Variants in PRKN observed in about 807,000 individuals in gnomAD.
PRKN encodes the protein E3 ubiquitin-protein ligase parkin.
In PRKN, 56 loss-of-function variants were observed where a neutral mutation model predicts 59.5. The ratio of observed to expected loss-of-function variants is 0.94; its 90% CI spans 0.76 to 1.18. The LOEUF (loss-of-function observed/expected upper bound fraction) is 1.18, where lower values mean the gene tolerates loss of function less well. Ranked by LOEUF, PRKN falls within the 50% of genes most tolerant of loss-of-function variation. The pLI is 0.00. For missense variants in PRKN, 657 were observed against 596.4 expected, an observed-to-expected ratio of 1.10 and a Z score of -1.06; for synonymous variants, 250 against 222.1, an observed-to-expected ratio of 1.13 and a Z score of -1.12.
In PRKN at chr6:161,459,204, A is replaced by G. The variant is rs1412641254; in HGVS notation, c.1084-72327T>C. On this transcript the variant is annotated intron_variant, in intron 9 of 11. Transcript: ENST00000366898. The surrounding 1 kb of genome is among the most constrained non-coding windows in gnomAD (Gnocchi z 4.8). The stretch of plus-strand genomic sequence containing the variant: ...GTAAGACTTGTTCTCCAGGTTAATT[A>G]CAGTGGAAACCTGATCGAACTTGAC... 6.6e-6 allele frequency among the ~76,000 whole-genome samples: 1 copy of G among 152,174 alleles called. No homozygotes were observed. Among genetic ancestry groups the G allele is most frequent in the Non-Finnish European group, 1.5e-5 (1 of 68,026 alleles).
intron 7 of PRKN, among the ~76,000 whole-genome samples, chr6:161,573,783 TATATATATATATAA>T (rs1367756237): frequency 7.4e-5 from 7 of 94,582 alleles, no homozygotes; most frequent in East Asian, 3.1e-4. Context: ...TATATATATA[TATATATATATATAA>T]AACTTCATTC....
chr6:162,399,002 G>A (rs570259754), intron 2 of PRKN, among the ~76,000 whole-genome samples: 5 of 152,174 alleles, frequency 3.3e-5, no homozygotes, highest in Non-Finnish European at 7.4e-5. Flanking sequence ...ATGATTATCA[G>A]GAAGTATTAT....
intron 4 of PRKN, among the ~76,000 whole-genome samples, chr6:162,153,706 G>A (rs1035661450): frequency 2.0e-5 from 3 of 152,076 alleles, no homozygotes; most frequent in Admixed American, 6.6e-5. Flanking sequence ...GGGATGGGAG[G>A]GGAAGGTCAC....
At chr6:161,897,116 G>A (rs571436299) in intron 6 of PRKN, among the ~76,000 whole-genome samples, 1 of 152,288 alleles carries the variant, frequency 6.6e-6, no homozygotes, top group African/African-American at 2.4e-5. Context: ...GGCCTAGATA[G>A]CAGCTAAACA....
intron 6 of PRKN, among the ~76,000 whole-genome samples, chr6:161,842,426 GGCACCACT>G (rs1793024759): frequency 6.7e-6 from 1 of 150,188 alleles, no homozygotes; most frequent in South Asian, 2.1e-4. Flanking sequence ...GAGTGGAGAT[GGCACCACT>G]GCACTCCAGC....
Position 162,321,884 on chromosome 6 carries a change from T to C in PRKN, c.172-59119A>G, listed in dbSNP as rs566827273. Among the ~76,000 whole-genome samples, 177 of 152,100 alleles carry C rather than the reference T, an allele frequency of 1.2e-3. 1 individual carries two copies. Among genetic ancestry groups the C allele is most frequent in the African/African-American group, 3.9e-3 (164 of 41,562 alleles). ...CTGATAAAGATCATCTATGAAAATC[T>C]ACAGTTAACATTACATTTAATGATG... On this transcript the variant is annotated intron_variant, in intron 2 of 11. Coordinates refer to ENST00000366898, the MANE Select transcript of PRKN (RefSeq NM_004562.3).
At chr6:161,632,314 G>GA (rs1008481241) in intron 7 of PRKN, among the ~76,000 whole-genome samples, 3 of 151,760 alleles carry the variant, frequency 2.0e-5, no homozygotes, top group East Asian at 3.9e-4. Flanking sequence ...ATTTACATGA[G>GA]AAAAAAAACC....
intron 6 of PRKN, among the ~76,000 whole-genome samples, chr6:161,889,780 T>C (rs1326964991): frequency 6.6e-6 from 1 of 152,208 alleles, no homozygotes; most frequent in Non-Finnish European, 1.5e-5. Context: ...AATGTAAACT[T>C]CCCTCTTGAG....
At chr6:161,837,904 G>C (rs192023265) in intron 6 of PRKN, among the ~76,000 whole-genome samples, 26 of 152,240 alleles carry the variant, frequency 1.7e-4, no homozygotes, top group African/African-American at 6.3e-4. Context: ...TAAGAAGCAA[G>C]CATAATAGGT....
At chr6:161,523,587 A>G (rs1178588739) in intron 9 of PRKN, among the ~76,000 whole-genome samples, 2 of 152,214 alleles carry the variant, frequency 1.3e-5, no homozygotes. Flanking sequence ...ACACTTCACC[A>G]TGGAACTAGC....
At chr6:162,609,252 A>G (rs1782042228) in intron 1 of PRKN, among the ~76,000 whole-genome samples, 1 of 152,176 alleles carries the variant, frequency 6.6e-6, no homozygotes. Context: ...TGGTACCCAG[A>G]CCACAAAGGT....
At chr6:161,794,125 A>C (rs1790745912) in intron 6 of PRKN, among the ~76,000 whole-genome samples, 1 of 152,086 alleles carries the variant, frequency 6.6e-6, no homozygotes, top group African/African-American at 2.4e-5. Context: ...TTTTATTTAA[A>C]AGTTCCCTAT....
intron 1 of PRKN, among the ~76,000 whole-genome samples, chr6:162,595,254 TTTC>T (rs918420297): frequency 2.2e-4 from 33 of 152,230 alleles, no homozygotes; most frequent in African/African-American, 7.7e-4. Context: ...TTTTTTTCTT[TTTC>T]TTTTTTCTTT....
intron 4 of PRKN, among the ~76,000 whole-genome samples, chr6:162,077,230 A>G (rs1778864917): frequency 6.6e-6 from 1 of 152,088 alleles, no homozygotes. Flanking sequence ...ACTGTTACCT[A>G]CAGCATTCAA....
chr6:161,757,587 C>T (rs1177098821), intron 7 of PRKN, among the ~76,000 whole-genome samples: 1 of 152,026 alleles, frequency 6.6e-6, no homozygotes, highest in Non-Finnish European at 1.5e-5. Context: ...CCTGTAATCC[C>T]AGCACTTTGG....
At chr6:161,602,638 C>T (rs1460597273) in intron 7 of PRKN, among the ~76,000 whole-genome samples, 1 of 152,194 alleles carries the variant, frequency 6.6e-6, no homozygotes, top group African/African-American at 2.4e-5. Context: ...AATCAGCCAT[C>T]TCCAGCATCA....
intron 4 of PRKN, among the ~76,000 whole-genome samples, chr6:162,186,527 G>A (rs938386157): frequency 6.6e-6 from 1 of 152,122 alleles, no homozygotes; most frequent in Non-Finnish European, 1.5e-5. Flanking sequence ...TCCACTCAGA[G>A]AGCTTGATAT....
chr6:161,745,313 C>A (rs962153854), intron 7 of PRKN, among the ~76,000 whole-genome samples: 14 of 152,142 alleles, frequency 9.2e-5, no homozygotes, highest in Admixed American at 5.9e-4. Flanking sequence ...GAGGTGGTGG[C>A]CTTGCCAGAG....
intron 6 of PRKN, among the ~76,000 whole-genome samples, chr6:161,858,349 A>C (rs1369128172): frequency 6.6e-6 from 1 of 152,208 alleles, no homozygotes; most frequent in Non-Finnish European, 1.5e-5. Flanking sequence ...ATTCCTCTGC[A>C]TATTTAACAT....
Sources: gnomAD v4.1 joint callset for allele counts (sites outside exome capture counted in the v4.1 genomes callset) on GRCh38, gnomAD v4.1.1 for gene constraint, Gnocchi (gnomAD v3.1) non-coding constraint, MANE v1.5 for transcripts, NCBI Gene and HGNC (gene_info 2026-07-23, HGNC 2026-07-21) for gene names.